Variants in OR56A3 observed in about 807,000 individuals in gnomAD.
OR56A3 encodes the protein olfactory receptor 56A3.
Under a neutral mutation model 17.5 loss-of-function variants are expected in OR56A3, and 23 were observed. The observed-to-expected ratio is 1.32, with a 90% CI of 0.95 to 1.87. The LOEUF (loss-of-function observed/expected upper bound fraction) is 1.87. OR56A3 is among the 40% of genes most tolerant of loss of function. The pLI, the probability that OR56A3 is intolerant of heterozygous loss-of-function variation, is 0.00. For missense variants in OR56A3, 366 were observed against 380.1 expected, an observed-to-expected ratio of 0.96 and a Z score of 0.31; for synonymous variants, 175 against 150.6, an observed-to-expected ratio of 1.16 and a Z score of -1.19.
chr11:5,988,642 C>A, the OR56A3 span, among the ~76,000 whole-genome samples: 3 of 151,746 alleles, frequency 2.0e-5, no homozygotes, highest in Non-Finnish European at 4.4e-5. Flanking sequence ...AGAATTAGAC[C>A]ACAGGCTTCT....
chr11:5,989,659 A>T, the OR56A3 span, among the ~76,000 whole-genome samples: 1 of 152,180 alleles, frequency 6.6e-6, no homozygotes, highest in African/African-American at 2.4e-5. Context: ...GGCATAAAAA[A>T]ATCCCATATT....
the OR56A3 span, among the ~76,000 whole-genome samples, chr11:6,015,409 T>C: frequency 2.6e-5 from 4 of 152,156 alleles, no homozygotes; most frequent in Non-Finnish European, 5.9e-5. Context: ...GAGAGTGCAA[T>C]ATGGGGTTGG....
the OR56A3 span, chr11:5,986,602 A>G: frequency 3.1e-6 from 5 of 1,613,942 alleles, no homozygotes; most frequent in Non-Finnish European, 4.2e-6. Context: ...GATGTACCCA[A>G]TCTCGTGGGC....
the OR56A3 span, among the ~76,000 whole-genome samples, chr11:6,016,743 A>T: frequency 6.6e-6 from 1 of 151,930 alleles, no homozygotes; most frequent in South Asian, 2.1e-4. Flanking sequence ...ACAAGAGAAC[A>T]CAGATAAATA....
At chr11:5,963,825 A>ACATTGT in the OR56A3 span, among the ~76,000 whole-genome samples, 2 of 152,248 alleles carry the variant, frequency 1.3e-5, no homozygotes, top group South Asian at 4.1e-4. Context: ...GAATGCCAAT[A>ACATTGT]ACTTGTACAT....
At chr11:5,966,595 C>A in the OR56A3 span, among the ~76,000 whole-genome samples, 1 of 152,026 alleles carries the variant, frequency 6.6e-6, no homozygotes, top group African/African-American at 2.4e-5. Context: ...CTGATCAGAG[C>A]ATGATCAGGA....
chr11:5,947,269 G>A, intron 2 of OR56A3, 42 bp from the exon 3 acceptor site: 1 of 1,302,278 alleles, frequency 7.7e-7, no homozygotes. Flanking sequence ...CTATCTTTGT[G>A]TATCAAGAAT....
At chr11:6,020,573 T>A in the OR56A3 span, 1 of 152,180 alleles carries the variant, frequency 6.6e-6, no homozygotes, top group East Asian at 1.9e-4. Flanking sequence ...GTGTGGCAGC[T>A]GTGAATGGGA....
At chr11:6,009,207 T>C in the OR56A3 span, among the ~76,000 whole-genome samples, 1 of 152,206 alleles carries the variant, frequency 6.6e-6, no homozygotes, top group African/African-American at 2.4e-5. Context: ...CCCATCAGAC[T>C]CTGCCGTTGA....
chr11:5,997,119 C>T, the OR56A3 span, among the ~76,000 whole-genome samples: 1 of 152,170 alleles, frequency 6.6e-6, no homozygotes, highest in African/African-American at 2.4e-5. Context: ...AATTCAAGAA[C>T]CTTCACTCTG....
the OR56A3 span, chr11:5,993,902 G>A: frequency 3.9e-6 from 2 of 509,564 alleles, no homozygotes; most frequent in South Asian, 3.1e-5. Flanking sequence ...GGTGTCATTG[G>A]TCTCAGACAC....
chr11:6,003,144 A>G, the OR56A3 span: 35 of 1,558,138 alleles, frequency 2.2e-5, no homozygotes, highest in Non-Finnish European at 3.0e-5. Context: ...AATCACTGTC[A>G]TCATCCTCCC....
the OR56A3 span, among the ~76,000 whole-genome samples, chr11:5,958,894 T>C: frequency 1.3e-5 from 2 of 152,236 alleles, no homozygotes; most frequent in Non-Finnish European, 2.9e-5. Flanking sequence ...TGTCTTCCTG[T>C]GTCTGGCTTA....
the OR56A3 span, chr11:5,986,279 G>T: frequency 9.9e-6 from 16 of 1,613,980 alleles, no homozygotes; most frequent in Non-Finnish European, 1.4e-5. Context: ...GCCATAGTCA[G>T]CCCATAAGCT....
At position 5,948,396 on chromosome 11, in the gene OR56A3, T is replaced by A; in HGVS notation, c.*102T>A. 1.4e-6 allele frequency: 1 copy of A among 735,542 alleles called. No individual in the cohort carries two copies. The highest frequency in any genetic ancestry group is 2.3e-6 in the Non-Finnish European group (1 of 442,192). 45.6% of individuals were successfully genotyped at this position (735,542 alleles called of 1,614,324 possible). ...ATATCTGTGACTTATAACCTCAAACTGGGTACACTAGATATTGTGTGTGCT... is the reference window on the plus strand; with the variant it reads ...ATATCTGTGACTTATAACCTCAAACAGGGTACACTAGATATTGTGTGTGCT... On this transcript the variant is annotated 3_prime_UTR_variant, in exon 3 of 3. Coordinates refer to ENST00000641160, the MANE Select transcript of OR56A3 (RefSeq NM_001003443.3).
chr11:5,992,023 A>G, the OR56A3 span, among the ~76,000 whole-genome samples: 3 of 152,286 alleles, frequency 2.0e-5, no homozygotes, highest in South Asian at 2.1e-4. Flanking sequence ...TGTCTGTCCA[A>G]TGTTGGTCAT....
the OR56A3 span, among the ~76,000 whole-genome samples, chr11:6,012,881 ACC>A: frequency 6.6e-6 from 1 of 152,234 alleles, no homozygotes; most frequent in African/African-American, 2.4e-5. Context: ...GCATGTGCAC[ACC>A]AGCTGGGCTG....
the OR56A3 span, among the ~76,000 whole-genome samples, chr11:5,968,798 C>A: frequency 6.6e-6 from 1 of 151,950 alleles, no homozygotes; most frequent in Non-Finnish European, 1.5e-5. Context: ...AAAAAAAATT[C>A]CAAATTATAC....
chr11:5,960,516 C>A, the OR56A3 span, among the ~76,000 whole-genome samples: 1 of 152,238 alleles, frequency 6.6e-6, no homozygotes, highest in African/African-American at 2.4e-5. Flanking sequence ...CAGCCTCGGC[C>A]TCCCGAGGTG....
Sources: allele counts gnomAD v4.1 joint callset (sites outside exome capture counted in the v4.1 genomes callset), GRCh38; gene constraint gnomAD v4.1.1; transcripts MANE v1.5; gene names NCBI Gene and HGNC (gene_info 2026-07-23, HGNC 2026-07-21).